The following GRWD1 variants were observed in gnomAD, a reference collection of about 807,000 sequenced individuals.
The protein encoded by GRWD1 is glutamate-rich WD repeat-containing protein 1.
In GRWD1, 29 loss-of-function variants were observed where a neutral mutation model predicts 45.3. That is an observed-to-expected ratio of 0.64 (90% CI 0.48 to 0.87). GRWD1 has a LOEUF of 0.87. Ranked by LOEUF, GRWD1 falls within the 40% of genes least tolerant of loss-of-function variation. The probability of loss-of-function intolerance (pLI) is 0.00; values close to 1 mark genes in which losing one functional copy is unlikely to be tolerated. For synonymous variants in GRWD1, 262 were observed against 257.6 expected, an observed-to-expected ratio of 1.02 and a Z score of -0.16; for missense variants, 592 against 618.8, an observed-to-expected ratio of 0.96 and a Z score of 0.46.
chr19:48,446,934 CTTTT>C lies in GRWD1; in HGVS notation c.468+108_468+111del, dbSNP rs752488198. ...ATAACTCCCAACACCTCCTCATGTT[CTTTT>C]TTTTTTTTTTTTTTTTGAGACGTAG... On this transcript the variant is annotated intron_variant, in intron 3 of 6. Transcript: ENST00000253237. 4.1e-3 allele frequency: 2,445 copies of C among 601,336 alleles called. 16 individuals carry two copies. Among genetic ancestry groups the C allele is most frequent in the South Asian group, 4.7e-3 (174 of 36,830 alleles). 37.3% of individuals were successfully genotyped at this position (601,336 alleles called of 1,614,324 possible). A position where few individuals can be genotyped will look rare whatever the true frequency, so the allele number is the denominator to read the frequency against.
Position 48,455,897 on chromosome 19 carries a change from G to C in GRWD1, c.*2872G>C, listed in dbSNP as rs77586652. 1 of 152,338 alleles carries C rather than the reference G, an allele frequency of 6.6e-6. No homozygotes were observed. Among genetic ancestry groups the C allele is most frequent in the African/African-American group, 2.4e-5 (1 of 41,430 alleles). 9.4% of individuals were successfully genotyped at this position (152,338 alleles called of 1,614,324 possible). A position where few individuals can be genotyped will look rare whatever the true frequency, so the allele number is the denominator to read the frequency against. ...TCTGAGAGTCCAGTGGGGGCTGTGG[G>C]CATGTCGGGAGCTCATCACGAGGCC... On this transcript the variant is annotated 3_prime_UTR_variant, in exon 7 of 7. Transcript: ENST00000253237.
In GRWD1 at chr19:48,450,284, A is replaced by G; in HGVS notation, c.469-29A>G. 1.9e-6 allele frequency: 3 copies of G among 1,579,590 alleles called. No homozygotes were observed. Among genetic ancestry groups the G allele is most frequent in the Middle Eastern group, 2.2e-4 (1 of 4,476 alleles). On this transcript the variant is annotated intron_variant, in intron 3 of 6. Coordinates refer to ENST00000253237, the MANE Select transcript of GRWD1 (RefSeq NM_031485.4). The surrounding 1 kb of genome is among the most constrained non-coding windows in gnomAD (Gnocchi z 5.1). ...TGATCCTCCTCTCCCCTCGCTTCAC[A>G]TCACCCTTCCCCCACCGCTCTTCTG...
Position 48,449,124 on chromosome 19 carries a change from G to A in GRWD1, c.469-1189G>A, listed in dbSNP as rs559111117. On this transcript the variant is annotated intron_variant, in intron 3 of 6. Coordinates refer to ENST00000253237, the MANE Select transcript of GRWD1 (RefSeq NM_031485.4). Reference sequence around the variant, plus strand: ...TTTTTTTTAGATGAGACAGAGTCTCGCTTTTGTCGCCCAGGCCGGAGCGCA... The same window carrying A: ...TTTTTTTTAGATGAGACAGAGTCTCACTTTTGTCGCCCAGGCCGGAGCGCA... Among the ~76,000 whole-genome samples, 13 of 152,072 alleles carry A rather than the reference G, an allele frequency of 8.5e-5. No individual in the cohort carries two copies. The South Asian group carries it at 2.3e-3, about 27-fold the overall frequency.
rs774278205 is a variant in GRWD1, at chr19:48,456,179, C to G, written c.*3154C>G. On this transcript the variant is annotated 3_prime_UTR_variant, in exon 7 of 7. Transcript: ENST00000253237. The stretch of plus-strand genomic sequence containing the variant: ...GAGGCCCAGGCTGGGGCCTGGGGAG[C>G]ACAGGTCAGTGTCAGTGCCCACCTG... 1 of 152,262 alleles carries G rather than the reference C, an allele frequency of 6.6e-6. No individual in the cohort carries two copies. Among genetic ancestry groups the G allele is most frequent in the African/African-American group, 2.4e-5 (1 of 41,430 alleles). 9.4% of individuals were successfully genotyped at this position (152,262 alleles called of 1,614,324 possible).
At position 48,446,044 on chromosome 19, in the gene GRWD1, C is replaced by G; in HGVS notation, c.39C>G (p.Thr13=). 1 of 1,597,072 alleles carries G rather than the reference C, an allele frequency of 6.3e-7. No homozygotes were observed. The highest frequency in any genetic ancestry group is 8.5e-7 in the Non-Finnish European group (1 of 1,173,286). The change falls in exon 1 of 7, where the codon ACC becomes ACG. Residue 13 remains threonine, a synonymous_variant. Coordinates refer to ENST00000253237, the MANE Select transcript of GRWD1 (RefSeq NM_031485.4). ...AGGGTCGGCGGCGCACGTGTGAAACCGGGGAACCCATGGAAGCCGAGTCCG... is the reference window on the plus strand; with the variant it reads ...AGGGTCGGCGGCGCACGTGTGAAACGGGGGAACCCATGGAAGCCGAGTCCG... The part of the protein sequence containing the change: ...ARKGRRRTCE[T]GEPMEAESGD...
In GRWD1 at chr19:48,452,105, TTC is replaced by T. The variant is rs1297654833; in HGVS notation, c.1024-601_1024-600del. Reference sequence around the variant, plus strand: ...CCTTTTTTTCTTTTTTTTTTTTTTTTTCTTTTTTTTTGCGATGGAGTTTTGCT... The same window carrying T: ...CCTTTTTTTCTTTTTTTTTTTTTTTTTTTTTTTTTGCGATGGAGTTTTGCT... On this transcript the variant is annotated intron_variant, in intron 6 of 6. Coordinates refer to ENST00000253237, the MANE Select transcript of GRWD1 (RefSeq NM_031485.4). The surrounding 1 kb of genome is among the most constrained non-coding windows in gnomAD (Gnocchi z 5.1). Among the ~76,000 whole-genome samples the T allele has an allele frequency of 1.3e-5, 2 of 151,222 alleles. No homozygotes were observed. Among genetic ancestry groups the T allele is most frequent in the Admixed American group, 1.3e-4 (2 of 15,182 alleles).
chr19:48,450,105 C>T lies in GRWD1; in HGVS notation c.469-208C>T, dbSNP rs140684251. Among the ~76,000 whole-genome samples, 3 of 152,044 alleles carry T rather than the reference C, an allele frequency of 2.0e-5. No individual in the cohort carries two copies. The South Asian group carries it at 6.2e-4, about 32-fold the overall frequency. On this transcript the variant is annotated intron_variant, in intron 3 of 6. Transcript: ENST00000253237. This position sits in a 1 kb window ranked among gnomAD's most constrained non-coding sequence, Gnocchi z 5.1. The stretch of plus-strand genomic sequence containing the variant: ...CTCAGCTCCCCCACCCACTCCCACC[C>T]CCTGTGGAGAGCTGTCCCAGTTACC...
chr19:48,447,951 G>A (rs1424930760), intron 3 of GRWD1, among the ~76,000 whole-genome samples: 1 of 152,080 alleles, frequency 6.6e-6, no homozygotes, highest in African/African-American at 2.4e-5. Context: ...TTTGGTTGTG[G>A]CTGTTTGTTT....
In GRWD1 at chr19:48,446,786, G is replaced by A. The variant is rs756721828; in HGVS notation, c.411G>A (p.Arg137=). The change falls in exon 3 of 7, where the codon CGG becomes CGA. Residue 137 remains arginine (R), a synonymous_variant. Coordinates refer to ENST00000253237, the MANE Select transcript of GRWD1 (RefSeq NM_031485.4). ...EEEDEEDEEE[R]KPQLELAMVP... ...AAGATGAAGAGGATGAAGAAGAGCGGAAACCTCAGCTGGAGCTGGCCATGG... is the reference window on the plus strand; with the variant it reads ...AAGATGAAGAGGATGAAGAAGAGCGAAAACCTCAGCTGGAGCTGGCCATGG... The A allele has an allele frequency of 1.2e-6, 2 of 1,614,150 alleles. No individual in the cohort carries two copies. The highest frequency in any genetic ancestry group is 2.7e-5 in the African/African-American group (2 of 75,048).
At position 48,455,237 on chromosome 19, in the gene GRWD1, C is replaced by T. The variant is rs575144811; in HGVS notation, c.*2212C>T. The stretch of plus-strand genomic sequence containing the variant: ...TCCCTGTACTTTTTCTTGGGGCACC[C>T]TCTCAACACCCCTCCTCCTGCCTAT... On this transcript the variant is annotated 3_prime_UTR_variant, in exon 7 of 7. Transcript: ENST00000253237. 2.0e-5 allele frequency: 3 copies of T among 152,534 alleles called. No homozygotes were observed. Among genetic ancestry groups the T allele is most frequent in the East Asian group, 3.9e-4 (2 of 5,164 alleles). The allele number at this position is 152,534 out of a possible 1,614,324, so 9.4% of individuals were successfully genotyped here.
rs1971528738 is a variant in GRWD1 at position 48,455,502 on chromosome 19, C to G, written c.*2477C>G. 6.6e-6 allele frequency: 1 copy of G among 152,226 alleles called. No individual in the cohort carries two copies. Among genetic ancestry groups the G allele is most frequent in the South Asian group, 2.1e-4 (1 of 4,828 alleles). 9.4% of individuals were successfully genotyped at this position (152,226 alleles called of 1,614,324 possible). On this transcript the variant is annotated 3_prime_UTR_variant, in exon 7 of 7. Coordinates refer to ENST00000253237, the MANE Select transcript of GRWD1 (RefSeq NM_031485.4). ...CTTTATATGGAAACATTAAGCTGCT[C>G]TCGCAGGTCAGGTGGAGGATCCCTT...
intron 3 of GRWD1, among the ~76,000 whole-genome samples, chr19:48,449,477 G>A (rs1320017073): frequency 6.6e-6 from 1 of 152,194 alleles, no homozygotes; most frequent in African/African-American, 2.4e-5. Flanking sequence ...GCCTGAGGTG[G>A]AGAGAGAGCA....
At position 48,445,999 on chromosome 19, in the gene GRWD1, T is replaced by C. The variant is rs979470877; in HGVS notation, c.-7T>C. 1.3e-6 allele frequency: 2 copies of C among 1,574,616 alleles called. No individual in the cohort carries two copies. The highest frequency in any genetic ancestry group is 1.7e-6 in the Non-Finnish European group (2 of 1,161,818). On this transcript the variant is annotated 5_prime_UTR_variant, in exon 1 of 7. Coordinates refer to ENST00000253237, the MANE Select transcript of GRWD1 (RefSeq NM_031485.4). ...TTACCGGGTGTCAGCAGCGAGAGGG[T>C]TCGAAGATGGCGGCGCGCAAGGGTC...
chr19:48,450,259 T>G lies in GRWD1; in HGVS notation c.469-54T>G. 2 of 1,446,296 alleles carry G rather than the reference T, an allele frequency of 1.4e-6. No individual in the cohort carries two copies. Among genetic ancestry groups the G allele is most frequent in the Non-Finnish European group, 1.9e-6 (2 of 1,050,996 alleles). The allele number at this position is 1,446,296 out of a possible 1,614,324, so 89.6% of individuals were successfully genotyped here. A position where few individuals can be genotyped will look rare whatever the true frequency, so the allele number is the denominator to read the frequency against. On this transcript the variant is annotated intron_variant, in intron 3 of 6. Transcript: ENST00000253237. This position sits in a 1 kb window ranked among gnomAD's most constrained non-coding sequence, Gnocchi z 5.1. Reference sequence around the variant, plus strand: ...TATGGGGAGCGTGGGGTCAGTGCCTTGATCCTCCTCTCCCCTCGCTTCACA... The same window carrying G: ...TATGGGGAGCGTGGGGTCAGTGCCTGGATCCTCCTCTCCCCTCGCTTCACA...
In GRWD1 at chr19:48,454,297, T is replaced by TCGCTGTCTCGCTCCTCCGC. The variant is rs1360898206; in HGVS notation, c.*1282_*1300dup. ...CACTGCCAGTCTCCCTGCCCCCTAG[T>TCGCTGTCTCGCTCCTCCGC]CGCTGTCTCGCTCCTCCGCCGCTGT... On this transcript the variant is annotated 3_prime_UTR_variant, in exon 7 of 7. Coordinates refer to ENST00000253237, the MANE Select transcript of GRWD1 (RefSeq NM_031485.4). The TCGCTGTCTCGCTCCTCCGC allele has an allele frequency of 6.7e-6, 1 of 148,320 alleles. No homozygotes were observed. Among genetic ancestry groups the TCGCTGTCTCGCTCCTCCGC allele is most frequent in the Non-Finnish European group, 1.5e-5 (1 of 67,072 alleles). The allele number at this position is 148,320 out of a possible 1,614,324, so 9.2% of individuals were successfully genotyped here.
rs1370129395 is a variant in GRWD1, at chr19:48,453,940, T to A, written c.*915T>A. The A allele has an allele frequency of 6.6e-6, 1 of 151,364 alleles. No individual in the cohort carries two copies. The highest frequency in any genetic ancestry group is 2.0e-4 in the East Asian group (1 of 5,094). 9.4% of individuals were successfully genotyped at this position (151,364 alleles called of 1,614,324 possible). ...CTCTGGTCCTTTGGCCACAGCCCTA[T>A]GAGGAAACGGGGTGTGGGGGGAGTT... is the stretch of plus-strand genomic sequence containing the variant. On this transcript the variant is annotated 3_prime_UTR_variant, in exon 7 of 7. Transcript: ENST00000253237.
rs185396772 is a variant in GRWD1, at chr19:48,452,332, G to A, written c.1024-376G>A. On this transcript the variant is annotated intron_variant, in intron 6 of 6. Coordinates refer to ENST00000253237, the MANE Select transcript of GRWD1 (RefSeq NM_031485.4). The surrounding 1 kb of genome is among the most constrained non-coding windows in gnomAD (Gnocchi z 5.1). ...AGGCTGGTCTCCAACTCCTGACCTCGGGTGATCCACCCGCCTTGGCCTCCC... is the reference window on the plus strand; with the variant it reads ...AGGCTGGTCTCCAACTCCTGACCTCAGGTGATCCACCCGCCTTGGCCTCCC... Among the ~76,000 whole-genome samples, 1,606 of 151,854 alleles carry A rather than the reference G, an allele frequency of 0.011. 10 individuals carry two copies. The highest frequency in any genetic ancestry group is 0.018 in the Admixed American group (271 of 15,232).
Position 48,450,246 on chromosome 19 carries a change from G to A in GRWD1, c.469-67G>A. The A allele has an allele frequency of 8.0e-7, 1 of 1,252,806 alleles. No homozygotes were observed. The highest frequency in any genetic ancestry group is 1.1e-6 in the Non-Finnish European group (1 of 879,302). 77.6% of individuals were successfully genotyped at this position (1,252,806 alleles called of 1,614,324 possible). A position where few individuals can be genotyped will look rare whatever the true frequency, so the allele number is the denominator to read the frequency against. On this transcript the variant is annotated intron_variant, in intron 3 of 6. Coordinates refer to ENST00000253237, the MANE Select transcript of GRWD1 (RefSeq NM_031485.4). The surrounding 1 kb of genome is among the most constrained non-coding windows in gnomAD (Gnocchi z 5.1). ...TGGTTCTCTGGGATATGGGGAGCGT[G>A]GGGTCAGTGCCTTGATCCTCCTCTC...
chr19:48,453,110 T>C lies in GRWD1; in HGVS notation c.*85T>C. On this transcript the variant is annotated 3_prime_UTR_variant, in exon 7 of 7. Coordinates refer to ENST00000253237, the MANE Select transcript of GRWD1 (RefSeq NM_031485.4). ...CCTGGAAGGGGTTCATTCAGGTCTG[T>C]TGACTGAGACTGGCCGGCCTGTGGG... is the stretch of plus-strand genomic sequence containing the variant. The C allele has an allele frequency of 1.6e-6, 2 of 1,272,766 alleles. No homozygotes were observed. Among genetic ancestry groups the C allele is most frequent in the African/African-American group, 1.5e-5 (1 of 67,438 alleles). 78.8% of individuals were successfully genotyped at this position (1,272,766 alleles called of 1,614,324 possible).
Sources: gnomAD v4.1 joint callset for allele counts (sites outside exome capture counted in the v4.1 genomes callset) on GRCh38, gnomAD v4.1.1 for gene constraint, Gnocchi (gnomAD v3.1) non-coding constraint, MANE v1.5 for transcripts, NCBI Gene and HGNC (gene_info 2026-07-23, HGNC 2026-07-21) for gene names.